MFRP: variants seen among roughly 807,000 people sequenced by gnomAD.
MFRP encodes C1q and TNF related 5.
A neutral mutation model predicts 65.8 loss-of-function variants in MFRP; 74 were observed. The observed-to-expected ratio is 1.12, with a 90% confidence interval of 0.93 to 1.36. The LOEUF is 1.36. Ranked by LOEUF, MFRP falls within the 40% of genes most tolerant of loss-of-function variation. MFRP has a pLI of 0.00. For synonymous variants in MFRP, 336 were observed against 288.3 expected (o/e 1.17, Z -1.68); for missense variants, 838 against 736.0 (o/e 1.14, Z -1.60).
At position 119,339,379 on chromosome 11, in the gene MFRP, G is replaced by A. The variant is rs757154342; in HGVS notation, c.*1580C>T. On this transcript the variant is annotated 3_prime_UTR_variant, in exon 15 of 15. Transcript: ENST00000619721. The surrounding 1 kb of genome is among the most constrained non-coding windows in gnomAD (Gnocchi z 5.4). Reference sequence around the variant, plus strand: ...GCCAGTCGGAGTACACCAGAAATCCGGAGAAGGTGCTGTCTGTCTTGATGC... The same window carrying A: ...GCCAGTCGGAGTACACCAGAAATCCAGAGAAGGTGCTGTCTGTCTTGATGC... 1 of 1,612,940 alleles carries A rather than the reference G, an allele frequency of 6.2e-7. No individual in the cohort carries two copies. The highest frequency in any genetic ancestry group is 1.1e-5 in the South Asian group (1 of 90,996).
rs1196633355 is a variant in MFRP at position 119,340,289 on chromosome 11, T to A, written c.*1005A>T. ...CCCTGGCTGCCATGGTGGCCCGGCG[T>A]GCCTGGAAGGCCGGGGTGCCCCGGG... On this transcript the variant is annotated 3_prime_UTR_variant, in exon 14 of 15. Transcript: ENST00000619721. The A allele has an allele frequency of 2.0e-6, 3 of 1,531,982 alleles. No individual in the cohort carries two copies. The highest frequency in any genetic ancestry group is 2.6e-6 in the Non-Finnish European group (3 of 1,141,048). The allele number at this position is 1,531,982 out of a possible 1,614,324, so 94.9% of individuals were successfully genotyped here.
Position 119,343,823 on chromosome 11 carries a change from G to C in MFRP, c.1117C>G (p.Leu373Val). ...CTTCCCTGGCTCCTGTACCTGCCCAGGAGGCTGAAGGCCCCTGAGCTGCTG... is the reference window on the plus strand; with the variant it reads ...CTTCCCTGGCTCCTGTACCTGCCCACGAGGCTGAAGGCCCCTGAGCTGCTG... Reference protein sequence around the residue: ...ETSSSGAFSLLGRFCGAEPPP... With the variant: ...ETSSSGAFSLVGRFCGAEPPP... Residue 373 changes from leucine to valine, a missense_variant, in exon 9 of 15, where the codon CTG becomes GTG. Transcript: ENST00000619721. 1.2e-6 allele frequency: 2 copies of C among 1,613,940 alleles called. No individual in the cohort carries two copies. The highest frequency in any genetic ancestry group is 1.1e-5 in the South Asian group (1 of 91,070).
chr11:119,346,189 C>G, intron 2 of MFRP, 30 bp from the exon 3 acceptor site: 1 of 1,570,428 alleles, frequency 6.4e-7, no homozygotes, highest in South Asian at 1.2e-5. Flanking sequence ...GTTTTGAAAG[C>G]CCCTTCTGTT....
At chr11:119,344,611 A>AC (rs1421284350) in intron 7 of MFRP, 21 bp downstream of exon 7, 2 of 1,613,422 alleles carry the variant, frequency 1.2e-6, no homozygotes, top group African/African-American at 1.3e-5. Flanking sequence ...TGAAGAGAGG[A>AC]CCCCCATGCC....
intron 5 of MFRP, 111 bp from the exon 6 acceptor site, chr11:119,345,115 TG>T: frequency 7.0e-7 from 1 of 1,426,846 alleles, no homozygotes; most frequent in South Asian, 1.3e-5. Flanking sequence ...CTGGTGACCA[TG>T]TGGTCAAAAA....
In MFRP at chr11:119,339,055, G is replaced by C. The variant is rs528395612; in HGVS notation, c.*1904C>G. ...ACCAGGAAGAGAGCACCCCACCGTGGGCTCCTGGACCAGAGCAACTGGGGG... is the reference window on the plus strand; with the variant it reads ...ACCAGGAAGAGAGCACCCCACCGTGCGCTCCTGGACCAGAGCAACTGGGGG... On this transcript the variant is annotated 3_prime_UTR_variant, in exon 15 of 15. Coordinates refer to ENST00000619721, the MANE Select transcript of MFRP (RefSeq NM_031433.4). The surrounding 1 kb of genome is among the most constrained non-coding windows in gnomAD (Gnocchi z 5.4). 1.2e-5 allele frequency: 5 copies of C among 411,152 alleles called. No individual in the cohort carries two copies. Among genetic ancestry groups the C allele is most frequent in the South Asian group, 1.1e-4 (2 of 19,016 alleles). 25.5% of individuals were successfully genotyped at this position (411,152 alleles called of 1,614,324 possible). A position where few individuals can be genotyped will look rare whatever the true frequency, so the allele number is the denominator to read the frequency against.
At position 119,339,799 on chromosome 11, in the gene MFRP, G is replaced by A; in HGVS notation, c.*1160C>T. The A allele has an allele frequency of 6.6e-7, 1 of 1,509,638 alleles. No individual in the cohort carries two copies. The highest frequency in any genetic ancestry group is 8.8e-7 in the Non-Finnish European group (1 of 1,133,194). 93.5% of individuals were successfully genotyped at this position (1,509,638 alleles called of 1,614,324 possible). On this transcript the variant is annotated 3_prime_UTR_variant, in exon 15 of 15. Coordinates refer to ENST00000619721, the MANE Select transcript of MFRP (RefSeq NM_031433.4). The surrounding 1 kb of genome is among the most constrained non-coding windows in gnomAD (Gnocchi z 5.4). The stretch of plus-strand genomic sequence containing the variant: ...CCCCGGCAGGCCCGGTGGGCCCCGC[G>A]GGTCCCGCCTCTCCTCGCGGCCCGG...
Position 119,340,238 on chromosome 11 carries a change from C to T in MFRP, c.*1056G>A, listed in dbSNP as rs748378851. On this transcript the variant is annotated 3_prime_UTR_variant, in exon 14 of 15. Transcript: ENST00000619721. ...GGAGCCCCGGGCGCGCCGTCGCGGC[C>T]GTCGCGGCCATCGCGGCCCGGCAAG... The T allele has an allele frequency of 6.6e-7, 1 of 1,514,300 alleles. No individual in the cohort carries two copies. The highest frequency in any genetic ancestry group is 1.2e-5 in the South Asian group (1 of 80,436). The allele number at this position is 1,514,300 out of a possible 1,614,324, so 93.8% of individuals were successfully genotyped here. A position where few individuals can be genotyped will look rare whatever the true frequency, so the allele number is the denominator to read the frequency against.
chr11:119,340,180 T>G lies in MFRP; in HGVS notation c.*1110+4A>C, dbSNP rs908260426. On this transcript the variant is annotated splice_donor_region_variant and intron_variant, in intron 14 of 14. Transcript: ENST00000619721. ...CACCGATAGCCGCGGCGGTGCCTTC[T>G]TACCCGGCCTCCCGCCCTCGCCTTT... 1 of 1,514,368 alleles carries G rather than the reference T, an allele frequency of 6.6e-7. No homozygotes were observed. The highest frequency in any genetic ancestry group is 2.1e-5 in the Admixed American group (1 of 46,592). The allele number at this position is 1,514,368 out of a possible 1,614,324, so 93.8% of individuals were successfully genotyped here.
intron 7 of MFRP, 50 bp downstream of exon 7, chr11:119,344,582 T>C (rs1443316223): frequency 3.5e-5 from 56 of 1,613,248 alleles, no homozygotes; most frequent in Non-Finnish European, 4.5e-5. Context: ...GAGCCCAGCT[T>C]GAACCCAGAT....
In MFRP at chr11:119,341,375, G is replaced by A. The variant is rs1950500823; in HGVS notation, c.*173C>T. The stretch of plus-strand genomic sequence containing the variant: ...CGGTAAAGGGACAGGAAGGAGCAGG[G>A]AGGGTGGTAGGGTCCCATGAGCCCC... On this transcript the variant is annotated 3_prime_UTR_variant, in exon 13 of 15. Transcript: ENST00000619721. 6.5e-6 allele frequency: 4 copies of A among 615,868 alleles called. No individual in the cohort carries two copies. Among genetic ancestry groups the A allele is most frequent in the Non-Finnish European group, 1.1e-5 (4 of 350,826 alleles). The allele number at this position is 615,868 out of a possible 1,614,324, so 38.2% of individuals were successfully genotyped here. A position where few individuals can be genotyped will look rare whatever the true frequency, so the allele number is the denominator to read the frequency against.
Position 119,342,593 on chromosome 11 carries a change from C to A in MFRP, c.1387+3G>T, listed in dbSNP as rs11217241. ...TCAGGGTCCCCAGGGGCAGGCTTCT[C>A]ACCTGGGGGTGGGAACAAGGGGCCG... On this transcript the variant is annotated splice_donor_region_variant and intron_variant, in intron 11 of 14. Transcript: ENST00000619721. The A allele has an allele frequency of 6.2e-7, 1 of 1,612,656 alleles. No individual in the cohort carries two copies. The highest frequency in any genetic ancestry group is 2.2e-5 in the East Asian group (1 of 44,814).
rs1242255514 is a variant in MFRP at position 119,346,500 on chromosome 11, G to C, written c.14C>G (p.Ser5Ter). The change falls in exon 1 of 15, where the codon TCA becomes TGA. Residue 5 changes from serine (S) to a stop codon, truncating the protein, a stop_gained. Coordinates refer to ENST00000619721, the MANE Select transcript of MFRP (RefSeq NM_031433.4). LOFTEE classifies it high-confidence loss of function. MKDF[S>*]DVILCMEATE... is the part of the protein sequence containing the mutation. ...TGCCTCCATGCAGAGGATGACATCTGAGAAGTCCTTCATGGCACAAGGCTC... is the reference window on the plus strand; with the variant it reads ...TGCCTCCATGCAGAGGATGACATCTCAGAAGTCCTTCATGGCACAAGGCTC... 3.1e-6 allele frequency: 5 copies of C among 1,613,976 alleles called. No homozygotes were observed. Among genetic ancestry groups the C allele is most frequent in the Admixed American group, 1.7e-5 (1 of 59,998 alleles).
rs142248522 is a variant in MFRP at position 119,342,601 on chromosome 11, G to A, written c.1382C>T (p.Pro461Leu). ...DDNCSGPLFP[P>L]PELACEPVQV... ...CCCAGGGGCAGGCTTCTCACCTGGGGGTGGGAACAAGGGGCCGCTGCAGTT... is the reference window on the plus strand; with the variant it reads ...CCCAGGGGCAGGCTTCTCACCTGGGAGTGGGAACAAGGGGCCGCTGCAGTT... The change falls in exon 11 of 15, where the codon CCC becomes CTC. Residue 461 changes from proline to leucine, a missense_variant. Physicochemically the swap from Pro to Leu is moderately conservative, Grantham distance 98. Transcript: ENST00000619721. The A allele has an allele frequency of 6.2e-7, 1 of 1,613,186 alleles. No homozygotes were observed. The highest frequency in any genetic ancestry group is 8.5e-7 in the Non-Finnish European group (1 of 1,179,848).
chr11:119,345,387 A>G, intron 5 of MFRP, 33 bp downstream of exon 5: 2 of 1,602,880 alleles, frequency 1.2e-6, no homozygotes, highest in Non-Finnish European at 1.7e-6. Flanking sequence ...GGTTCAGGAC[A>G]CGGTGGGATG....
intron 8 of MFRP, 78 bp from the exon 9 acceptor site, chr11:119,344,042 C>A: frequency 6.3e-7 from 1 of 1,583,102 alleles, no homozygotes; most frequent in South Asian, 1.1e-5. Flanking sequence ...GTCTTCTTCC[C>A]CCACTGCTGG....
intron 9 of MFRP, 27 bp from the exon 10 acceptor site, chr11:119,343,030 G>T: frequency 1.9e-6 from 3 of 1,581,802 alleles, no homozygotes; most frequent in Non-Finnish European, 1.7e-6. Context: ...GCTGTTCTGG[G>T]CACCAGCCCT....
intron 9 of MFRP, among the ~76,000 whole-genome samples, 175 bp from the exon 10 acceptor site, chr11:119,343,178 A>G (rs951619711): frequency 2.0e-5 from 3 of 152,182 alleles, no homozygotes; most frequent in African/African-American, 7.2e-5. Flanking sequence ...AAAGCATTAA[A>G]CAAACTGTCT....
chr11:119,345,154 G>A, intron 5 of MFRP, 150 bp from the exon 6 acceptor site: 1 of 1,025,928 alleles, frequency 9.7e-7, no homozygotes, highest in Non-Finnish European at 1.4e-6. Flanking sequence ...AGGGAGCTCT[G>A]ACCTTCCTAG....
Sources: gnomAD v4.1 joint callset for allele counts (sites outside exome capture counted in the v4.1 genomes callset) on GRCh38, gnomAD v4.1.1 for gene constraint, Gnocchi (gnomAD v3.1) non-coding constraint, MANE v1.5 for transcripts, NCBI Gene and HGNC (gene_info 2026-07-23, HGNC 2026-07-21) for gene names.